PLCE1: variants seen among roughly 807,000 people sequenced by gnomAD.
PLCE1 encodes 1-phosphatidylinositol 4,5-bisphosphate phosphodiesterase epsilon-1.
In PLCE1, 119 loss-of-function variants were observed where a neutral mutation model predicts 242.8. That is an observed-to-expected ratio of 0.49 (90% CI 0.42 to 0.57). PLCE1 has a LOEUF of 0.57. Ranked by LOEUF, PLCE1 falls within the 20% of genes least tolerant of loss-of-function variation. The probability of loss-of-function intolerance (pLI) is 0.00; values close to 1 mark genes in which losing one functional copy is unlikely to be tolerated. For missense variants in PLCE1, 2,441 were observed against 2,788.8 expected (o/e 0.88, Z 2.81); for synonymous variants, 945 against 1,017.4 (o/e 0.93, Z 1.35).
intron 26 of PLCE1, 131 bp from the exon 27 acceptor site, chr10:94,308,450 T>C: frequency 1.3e-6 from 1 of 773,806 alleles, no homozygotes; most frequent in Non-Finnish European, 2.3e-6. Context: ...AAAAGACGCC[T>C]GTTGGTTGCA....
chr10:94,048,956 A>G (rs929848252), intron 2 of PLCE1, among the ~76,000 whole-genome samples: 3 of 151,364 alleles, frequency 2.0e-5, no homozygotes, highest in African/African-American at 7.3e-5. Context: ...TAGGGATGGC[A>G]TCTCACTGTG....
intron 2 of PLCE1, among the ~76,000 whole-genome samples, chr10:94,051,506 C>T (rs551646427): frequency 2.0e-5 from 3 of 152,012 alleles, no homozygotes; most frequent in South Asian, 2.1e-4. Context: ...CCAAAGGATA[C>T]GTCATTCAAA....
intron 1 of PLCE1, among the ~76,000 whole-genome samples, chr10:94,009,922 G>T (rs545157576): frequency 1.7e-4 from 26 of 152,326 alleles, no homozygotes; most frequent in African/African-American, 5.8e-4. Context: ...ACCATTCTGG[G>T]GTCTGGAGGG....
chr10:94,036,551 A>G (rs992009154), intron 2 of PLCE1, among the ~76,000 whole-genome samples: 5 of 152,168 alleles, frequency 3.3e-5, no homozygotes, highest in African/African-American at 1.2e-4. Context: ...TTGCTGACAT[A>G]CTAACTACTG....
intron 4 of PLCE1, among the ~76,000 whole-genome samples, chr10:94,187,179 T>TGTGTGC (rs1423525783): frequency 5.6e-4 from 84 of 149,094 alleles, no homozygotes; most frequent in Non-Finnish European, 1.2e-3. Flanking sequence ...TGTGTGTGTG[T>TGTGTGC]GTGCGTGCAC....
At chr10:94,129,261 T>A (rs1452647263) in intron 2 of PLCE1, among the ~76,000 whole-genome samples, 1 of 152,260 alleles carries the variant, frequency 6.6e-6, no homozygotes, top group African/African-American at 2.4e-5. Context: ...GAAAAGGCTA[T>A]TAGATTAAAG....
intron 5 of PLCE1, among the ~76,000 whole-genome samples, chr10:94,230,474 C>T (rs370236662): frequency 2.6e-5 from 4 of 152,046 alleles, no homozygotes; most frequent in African/African-American, 9.6e-5. Flanking sequence ...ACAGGCACGC[C>T]ACCATGCCCT....
intron 2 of PLCE1, among the ~76,000 whole-genome samples, chr10:94,041,857 G>T (rs1189104509): frequency 6.6e-6 from 1 of 152,084 alleles, no homozygotes; most frequent in East Asian, 1.9e-4. Flanking sequence ...TTTGGTAAGA[G>T]ACCTGAAACA....
At chr10:94,130,325 A>G (rs1206945498) in intron 2 of PLCE1, among the ~76,000 whole-genome samples, 1 of 152,238 alleles carries the variant, frequency 6.6e-6, no homozygotes, top group East Asian at 1.9e-4. Flanking sequence ...TGTGGTCTAT[A>G]GTTATACAAC....
At chr10:94,090,545 C>T (rs2045024877) in intron 2 of PLCE1, among the ~76,000 whole-genome samples, 1 of 152,020 alleles carries the variant, frequency 6.6e-6, no homozygotes, top group Non-Finnish European at 1.5e-5. Flanking sequence ...ATGGAAGGTG[C>T]GGGGTGTCTT....
At chr10:94,112,181 T>C (rs1009437276) in intron 2 of PLCE1, among the ~76,000 whole-genome samples, 1 of 152,162 alleles carries the variant, frequency 6.6e-6, no homozygotes, top group East Asian at 1.9e-4. Context: ...TTTAATAAAA[T>C]TTAAAATATT....
intron 1 of PLCE1, among the ~76,000 whole-genome samples, chr10:94,009,836 A>G (rs577008611): frequency 2.2e-4 from 34 of 152,332 alleles, no homozygotes; most frequent in Middle Eastern, 3.4e-3. Flanking sequence ...TGCAGTACCC[A>G]TGGCTGCTCT....
chr10:94,008,407 C>G (rs1334040253), intron 1 of PLCE1, among the ~76,000 whole-genome samples: 1 of 152,034 alleles, frequency 6.6e-6, no homozygotes, highest in Admixed American at 6.6e-5. Flanking sequence ...CTCCCTGGTT[C>G]AAGCTATTCT....
At chr10:94,117,754 C>T (rs944404961) in intron 2 of PLCE1, among the ~76,000 whole-genome samples, 1 of 152,172 alleles carries the variant, frequency 6.6e-6, no homozygotes, top group African/African-American at 2.4e-5. Flanking sequence ...GTAGTCACAC[C>T]TGCATTGTGT....
chr10:94,051,369 A>G (rs921309537), intron 2 of PLCE1, among the ~76,000 whole-genome samples: 3 of 146,870 alleles, frequency 2.0e-5, no homozygotes, highest in Admixed American at 1.4e-4. Flanking sequence ...GCAGTTTTTC[A>G]TGTGTAAGAA....
rs546095838 is a variant in PLCE1 at position 94,273,479 on chromosome 10, T to C, written c.4507-83T>C. ...TAAATAATTCAACCAGTCTAAAATA[T>C]CTACTATGTTTATGAAGTGTACATA... is the stretch of plus-strand genomic sequence containing the variant. On this transcript the variant is annotated intron_variant, in intron 18 of 32. Coordinates refer to ENST00000371380, the MANE Select transcript of PLCE1 (RefSeq NM_016341.4). 129 of 1,298,354 alleles carry C rather than the reference T, an allele frequency of 9.9e-5. No homozygotes were observed. In the African/African-American group the frequency reaches 1.7e-3, roughly 17 times the overall value. 80.4% of individuals were successfully genotyped at this position (1,298,354 alleles called of 1,614,324 possible). A position where few individuals can be genotyped will look rare whatever the true frequency, so the allele number is the denominator to read the frequency against.
At position 94,328,069 on chromosome 10, in the gene PLCE1, C is replaced by A. The variant is rs1027051042; in HGVS notation, c.*126C>A. 8.3e-6 allele frequency: 4 copies of A among 481,670 alleles called. No individual in the cohort carries two copies. Among genetic ancestry groups the A allele is most frequent in the African/African-American group, 5.9e-5 (3 of 50,758 alleles). 29.8% of individuals were successfully genotyped at this position (481,670 alleles called of 1,614,324 possible). A position where few individuals can be genotyped will look rare whatever the true frequency, so the allele number is the denominator to read the frequency against. ...GAAATTGATGATTTCTGAACTGAAG[C>A]CTTCACACATGTGAGATCCATGCTG... On this transcript the variant is annotated 3_prime_UTR_variant, in exon 33 of 33. Transcript: ENST00000371380.
chr10:94,298,351 T>C lies in PLCE1; in HGVS notation c.5168-28T>C. The C allele has an allele frequency of 1.2e-6, 2 of 1,608,736 alleles. No homozygotes were observed. Among genetic ancestry groups the C allele is most frequent in the Non-Finnish European group, 1.7e-6 (2 of 1,175,104 alleles). ...AAATATTTAAAGTTTTCTACACTAA[T>C]CTGCGGCTAATTTCTTGGGGGGTTT... On this transcript the variant is annotated intron_variant, in intron 23 of 32. Coordinates refer to ENST00000371380, the MANE Select transcript of PLCE1 (RefSeq NM_016341.4). This position sits in a 1 kb window ranked among gnomAD's most constrained non-coding sequence, Gnocchi z 5.2.
Position 94,308,752 on chromosome 10 carries a change from G to A in PLCE1, c.6003+53G>A, listed in dbSNP as rs533453183. On this transcript the variant is annotated intron_variant, in intron 27 of 32. Coordinates refer to ENST00000371380, the MANE Select transcript of PLCE1 (RefSeq NM_016341.4). ...ATTTATGGGGATTGCTACACTGAAG[G>A]TGGGCTTTTTTGTGGCCCAGCAAAG... The A allele has an allele frequency of 6.4e-6, 8 of 1,242,078 alleles. No individual in the cohort carries two copies. In the East Asian group the frequency reaches 1.2e-4, roughly 18 times the overall value. 76.9% of individuals were successfully genotyped at this position (1,242,078 alleles called of 1,614,324 possible). A position where few individuals can be genotyped will look rare whatever the true frequency, so the allele number is the denominator to read the frequency against.
Sources: gnomAD v4.1 joint callset for allele counts (sites outside exome capture counted in the v4.1 genomes callset) on GRCh38, gnomAD v4.1.1 for gene constraint, Gnocchi (gnomAD v3.1) non-coding constraint, MANE v1.5 for transcripts, NCBI Gene and HGNC (gene_info 2026-07-23, HGNC 2026-07-21) for gene names.